Variants in NRXN3 observed in about 807,000 individuals in gnomAD.
NRXN3 encodes the protein neurexin III.
A neutral mutation model predicts 137.6 loss-of-function variants in NRXN3; 32 were observed. That is an observed-to-expected ratio of 0.23 (90% CI 0.18 to 0.31). The LOEUF (loss-of-function observed/expected upper bound fraction) is 0.31, where lower values mean the gene tolerates loss of function less well. Among genes scored for constraint, NRXN3 ranks in the 10% least tolerant of loss-of-function variants. The pLI, the probability that NRXN3 is intolerant of heterozygous loss-of-function variation, is 1.00. For missense variants in NRXN3, 1,574 were observed against 2,062.5 expected, an observed-to-expected ratio of 0.76 and a Z score of 4.59; for synonymous variants, 798 against 784.5, an observed-to-expected ratio of 1.02 and a Z score of -0.29.
rs549722350 is a variant in NRXN3, at chr14:78,227,811, G to A, written c.-703-14580G>A. ...TGCCTCAGGACTGCGTCTCTAGAAC[G>A]TCATAGAGTTTAAGCCTTGGCCAGG... On this transcript the variant is annotated intron_variant, in intron 1 of 20. Coordinates refer to ENST00000335750, the MANE Select transcript of NRXN3 (RefSeq NM_001330195.2). Among the ~76,000 whole-genome samples, 18 of 152,278 alleles carry A rather than the reference G, an allele frequency of 1.2e-4. No homozygotes were observed. The East Asian group carries it at 2.5e-3, about 21-fold the overall frequency.
At chr14:79,561,308 C>T (rs555373291) in intron 16 of NRXN3, among the ~76,000 whole-genome samples, 36 of 152,248 alleles carry the variant, frequency 2.4e-4, no homozygotes, top group Middle Eastern at 3.4e-3. Flanking sequence ...AGAGAACATA[C>T]GAGTCTGCCT....
At position 79,513,344 on chromosome 14, in the gene NRXN3, G is replaced by A. The variant is rs143660323; in HGVS notation, c.3444+45942G>A. 8.3e-3 allele frequency among the ~76,000 whole-genome samples: 1,265 copies of A among 152,230 alleles called. 23 individuals are homozygous for A. The highest frequency in any genetic ancestry group is 0.028 in the African/African-American group (1,180 of 41,536). On this transcript the variant is annotated intron_variant, in intron 16 of 20. Transcript: ENST00000335750. ...TGTCTAAAATTATCAAGAGTTGGTG[G>A]TGCATTCAGGACAGGAATTTAGATT...
intron 16 of NRXN3, among the ~76,000 whole-genome samples, chr14:79,662,077 T>C (rs758339021): frequency 6.6e-6 from 1 of 152,142 alleles, no homozygotes; most frequent in African/African-American, 2.4e-5. Context: ...TCCTTCCTGC[T>C]GCCACGTGAA....
At position 78,812,111 on chromosome 14, in the gene NRXN3, A is replaced by G. The variant is rs57571591; in HGVS notation, c.2275+1767A>G. Among the ~76,000 whole-genome samples, 2,604 of 152,260 alleles carry G rather than the reference A, an allele frequency of 0.017. 131 individuals are homozygous for G. The East Asian group carries it at 0.2, about 12-fold the overall frequency. On this transcript the variant is annotated intron_variant, in intron 10 of 20. Transcript: ENST00000335750. ...ATAATTAAACTTATAAAGTTGTCCA[A>G]ATATCACCACAATCACATTTTAGAA...
chr14:79,010,485 G>T (rs996386638), intron 15 of NRXN3, among the ~76,000 whole-genome samples: 2 of 152,070 alleles, frequency 1.3e-5, no homozygotes, highest in African/African-American at 4.8e-5. Context: ...AATCTGAAAG[G>T]TTTTTCACTG....
intron 4 of NRXN3, among the ~76,000 whole-genome samples, chr14:78,525,927 T>C (rs1267529779): frequency 6.6e-6 from 1 of 152,212 alleles, no homozygotes; most frequent in East Asian, 1.9e-4. Context: ...CTTCTGGTTC[T>C]GTTTTAGTGA....
intron 15 of NRXN3, among the ~76,000 whole-genome samples, chr14:79,195,934 A>C (rs1374084893): frequency 2.0e-5 from 3 of 152,168 alleles, no homozygotes; most frequent in Non-Finnish European, 4.4e-5. Context: ...AAATAGTACT[A>C]ATGTATTTTT....
At chr14:78,613,578 G>GTTTTTTTTTTTTTTTTTTTTTT (rs57745190) in intron 4 of NRXN3, among the ~76,000 whole-genome samples, 1 of 95,124 alleles carries the variant, frequency 1.1e-5, no homozygotes, top group Non-Finnish European at 2.0e-5. Context: ...CACAACCATA[G>GTTTTTTTTTTTTTTTTTTTTTT]TTTTTTTTTT....
At chr14:79,271,715 G>C (rs888690312) in intron 15 of NRXN3, among the ~76,000 whole-genome samples, 1 of 151,888 alleles carries the variant, frequency 6.6e-6, no homozygotes, top group African/African-American at 2.4e-5. Context: ...CCAAGTGAAC[G>C]CTGGGCTTGT....
intron 15 of NRXN3, among the ~76,000 whole-genome samples, chr14:79,368,975 A>G (rs566245485): frequency 9.6e-4 from 147 of 152,372 alleles, no homozygotes; most frequent in Non-Finnish European, 2.0e-3. Context: ...GTCACATTCA[A>G]ACTATCAGGT....
chr14:79,717,051 C>A (rs2098826118), intron 19 of NRXN3, among the ~76,000 whole-genome samples: 2 of 152,168 alleles, frequency 1.3e-5, no homozygotes, highest in African/African-American at 4.8e-5. Context: ...AGACAAGGCT[C>A]TTTTTCCTTT....
At chr14:79,508,556 G>GT (rs1312663224) in intron 16 of NRXN3, among the ~76,000 whole-genome samples, 1 of 150,780 alleles carries the variant, frequency 6.6e-6, no homozygotes, top group African/African-American at 2.4e-5. Flanking sequence ...CGCCCGGCTA[G>GT]TTTTTTTGTA....
At chr14:78,354,258 G>A (rs538297092) in intron 4 of NRXN3, among the ~76,000 whole-genome samples, 4 of 152,298 alleles carry the variant, frequency 2.6e-5, no homozygotes, top group South Asian at 2.1e-4. Context: ...CACATCCATT[G>A]TATTCCACTG....
chr14:78,825,898 C>A (rs1337003527), intron 10 of NRXN3, among the ~76,000 whole-genome samples: 1 of 152,166 alleles, frequency 6.6e-6, no homozygotes, highest in Non-Finnish European at 1.5e-5. Flanking sequence ...CCTCCTCTAC[C>A]AAAGTCACAG....
At chr14:78,893,307 C>T (rs1597079107) in intron 10 of NRXN3, among the ~76,000 whole-genome samples, 1 of 151,964 alleles carries the variant, frequency 6.6e-6, no homozygotes, top group Non-Finnish European at 1.5e-5. Context: ...TAAAAAATTC[C>T]TCCTCTTTTC....
At chr14:79,589,229 T>G (rs1263367831) in intron 16 of NRXN3, among the ~76,000 whole-genome samples, 2 of 152,168 alleles carry the variant, frequency 1.3e-5, no homozygotes, top group African/African-American at 4.8e-5. Context: ...CACCCCAGCC[T>G]GGGTGACAGA....
intron 4 of NRXN3, among the ~76,000 whole-genome samples, chr14:78,547,443 C>A (rs1343247988): frequency 1.3e-5 from 2 of 151,984 alleles, no homozygotes; most frequent in African/African-American, 4.8e-5. Flanking sequence ...CGTGATCCAC[C>A]CTCCTCGGCC....
chr14:78,589,977 C>A (rs1035747434), intron 4 of NRXN3, among the ~76,000 whole-genome samples: 19 of 151,894 alleles, frequency 1.3e-4, no homozygotes, highest in African/African-American at 4.4e-4. Flanking sequence ...AACAAAAAAA[C>A]AAACAAACAA....
intron 15 of NRXN3, among the ~76,000 whole-genome samples, chr14:79,069,480 T>C (rs982445681): frequency 6.6e-6 from 1 of 151,888 alleles, no homozygotes; most frequent in Non-Finnish European, 1.5e-5. Flanking sequence ...AAGTAAATTA[T>C]GTAACTTGTT....
Sources: gnomAD v4.1 joint callset for allele counts (sites outside exome capture counted in the v4.1 genomes callset) on GRCh38, gnomAD v4.1.1 for gene constraint, MANE v1.5 for transcripts, NCBI Gene and HGNC (gene_info 2026-07-23, HGNC 2026-07-21) for gene names.